SLC44A5: variants seen among roughly 807,000 people sequenced by gnomAD.
The protein encoded by SLC44A5 is solute carrier family 44 member 5.
In SLC44A5, 57 loss-of-function variants were observed where a neutral mutation model predicts 101.8. That is an observed-to-expected ratio of 0.56 (90% CI 0.45 to 0.70). The LOEUF (loss-of-function observed/expected upper bound fraction) is 0.70. SLC44A5 is among the 30% of genes least tolerant of loss of function. The pLI, the probability that SLC44A5 is intolerant of heterozygous loss-of-function variation, is 0.00. For synonymous variants in SLC44A5, 281 were observed against 290.9 expected, an observed-to-expected ratio of 0.97 and a Z score of 0.35; for missense variants, 737 against 853.1, an observed-to-expected ratio of 0.86 and a Z score of 1.70.
At chr1:75,617,432 T>A in the SLC44A5 span, among the ~76,000 whole-genome samples, 3 of 152,210 alleles carry the variant, frequency 2.0e-5, no homozygotes, top group Non-Finnish European at 2.9e-5. Context: ...TCTGAGAATT[T>A]GGACAAGTCA....
At chr1:75,678,758 C>A in the SLC44A5 span, among the ~76,000 whole-genome samples, 1 of 151,936 alleles carries the variant, frequency 6.6e-6, no homozygotes, top group Non-Finnish European at 1.5e-5. Flanking sequence ...CAAAGCTGCA[C>A]GGAGAATGAC....
chr1:75,678,879 A>G, the SLC44A5 span, among the ~76,000 whole-genome samples: 5 of 152,152 alleles, frequency 3.3e-5, no homozygotes, highest in African/African-American at 9.7e-5. Context: ...ATTTAGAAGA[A>G]TGTATAACTA....
At position 75,465,360 on chromosome 1, in the gene SLC44A5, T is replaced by C. The variant is rs187842375; in HGVS notation, c.14-68739A>G. On this transcript the variant is annotated intron_variant, in intron 2 of 23. Transcript: ENST00000370859. ...AACACTGAAAATTTCTTGAAACGAA[T>C]GATAATGGAAACAACATGCCAAAAC... Among the ~76,000 whole-genome samples the C allele has an allele frequency of 5.9e-5, 9 of 151,994 alleles. No homozygotes were observed. The East Asian group carries it at 1.7e-3, about 29-fold the overall frequency.
intron 2 of SLC44A5, among the ~76,000 whole-genome samples, chr1:75,536,631 G>A (rs200448991): frequency 3.2e-5 from 4 of 126,702 alleles, no homozygotes; most frequent in Non-Finnish European, 6.3e-5. Context: ...AGAAAAGAAA[G>A]AAAAAAAAAG....
intron 1 of SLC44A5, among the ~76,000 whole-genome samples, chr1:75,566,700 A>G (rs1672801451): frequency 6.6e-6 from 1 of 152,234 alleles, no homozygotes; most frequent in South Asian, 2.1e-4. Context: ...AGTTGAACTG[A>G]CAATGCATTT....
intron 2 of SLC44A5, among the ~76,000 whole-genome samples, chr1:75,401,565 T>C (rs918605168): frequency 1.3e-5 from 2 of 152,084 alleles, no homozygotes; most frequent in East Asian, 1.9e-4. Context: ...TTGGCATCTA[T>C]GAGGAACTGA....
At chr1:75,231,045 G>A (rs1163470317) in intron 12 of SLC44A5, among the ~76,000 whole-genome samples, 1 of 152,156 alleles carries the variant, frequency 6.6e-6, no homozygotes, top group Non-Finnish European at 1.5e-5. Flanking sequence ...TTATTGATCT[G>A]AATCTGTGAA....
intron 5 of SLC44A5, among the ~76,000 whole-genome samples, chr1:75,292,717 G>T (rs1180893701): frequency 6.6e-6 from 1 of 152,176 alleles, no homozygotes; most frequent in Non-Finnish European, 1.5e-5. Flanking sequence ...ACTGTTCTTG[G>T]ATACTCGCTG....
At chr1:75,549,035 A>G (rs932638156) in intron 1 of SLC44A5, among the ~76,000 whole-genome samples, 5 of 152,150 alleles carry the variant, frequency 3.3e-5, no homozygotes, top group Non-Finnish European at 7.4e-5. Context: ...TCTGGAAACA[A>G]TCCTCGTTGA....
the SLC44A5 span, among the ~76,000 whole-genome samples, chr1:75,621,495 T>C: frequency 6.6e-6 from 1 of 152,140 alleles, no homozygotes; most frequent in Non-Finnish European, 1.5e-5. Context: ...AAAGCATGAT[T>C]GCCATGAATG....
At chr1:75,628,905 C>A in the SLC44A5 span, among the ~76,000 whole-genome samples, 4 of 152,082 alleles carry the variant, frequency 2.6e-5, no homozygotes, top group East Asian at 7.7e-4. Context: ...TTAGAGGAGA[C>A]AAAGAATTTT....
intron 3 of SLC44A5, among the ~76,000 whole-genome samples, chr1:75,346,460 C>G (rs1658263514): frequency 6.6e-6 from 1 of 152,196 alleles, no homozygotes; most frequent in Non-Finnish European, 1.5e-5. Context: ...ACTCAGGCTG[C>G]CTCTTAACAG....
At chr1:75,390,428 G>C in intron 3 of SLC44A5, among the ~76,000 whole-genome samples, 1 of 143,034 alleles carries the variant, frequency 7.0e-6, no homozygotes, top group Middle Eastern at 3.6e-3. Context: ...AAAAAAAAAT[G>C]AGCAAATCAA....
chr1:75,513,668 A>C (rs1193189371), intron 2 of SLC44A5, among the ~76,000 whole-genome samples: 2 of 152,244 alleles, frequency 1.3e-5, no homozygotes, highest in African/African-American at 2.4e-5. Flanking sequence ...GCTATGCACC[A>C]ATCTTGATTG....
intron 2 of SLC44A5, among the ~76,000 whole-genome samples, chr1:75,399,157 G>A (rs1250956755): frequency 1.3e-5 from 2 of 151,926 alleles, no homozygotes; most frequent in Admixed American, 1.3e-4. Flanking sequence ...CTCCTATTGT[G>A]TCATCCTGAG....
chr1:75,445,761 C>T (rs1364823902), intron 2 of SLC44A5, among the ~76,000 whole-genome samples: 1 of 151,988 alleles, frequency 6.6e-6, no homozygotes. Flanking sequence ...AGCTCCAGAC[C>T]TTTCTCTCCA....
At chr1:75,245,347 C>T (rs1389406710) in intron 7 of SLC44A5, among the ~76,000 whole-genome samples, 1 of 152,112 alleles carries the variant, frequency 6.6e-6, no homozygotes, top group East Asian at 1.9e-4. Flanking sequence ...GGGACATTCA[C>T]AGCATGCAAC....
At chr1:75,651,696 C>CAAAAA in the SLC44A5 span, among the ~76,000 whole-genome samples, 1 of 70,148 alleles carries the variant, frequency 1.4e-5, no homozygotes, top group African/African-American at 5.1e-5. Flanking sequence ...GACTCTGTCT[C>CAAAAA]AAAAAAAAAA....
chr1:75,690,456 G>C, the SLC44A5 span, among the ~76,000 whole-genome samples: 1 of 152,114 alleles, frequency 6.6e-6, no homozygotes, highest in East Asian at 1.9e-4. Flanking sequence ...ATATCAGATG[G>C]AAATCTCTGA....
Sources: allele counts gnomAD v4.1 joint callset (sites outside exome capture counted in the v4.1 genomes callset), GRCh38; gene constraint gnomAD v4.1.1; transcripts MANE v1.5; gene names NCBI Gene and HGNC (gene_info 2026-07-23, HGNC 2026-07-21).